DNAH12: variants seen among roughly 807,000 people sequenced by gnomAD.
DNAH12 encodes axonemal beta dynein heavy chain 12.
In DNAH12, 285 loss-of-function variants were observed where a neutral mutation model predicts 371.5. The ratio of observed to expected loss-of-function variants is 0.77; its 90% CI spans 0.70 to 0.85. DNAH12 has a LOEUF of 0.85. Ranked by LOEUF, DNAH12 falls within the 40% of genes least tolerant of loss-of-function variation. The pLI is 0.00. For synonymous variants in DNAH12, 1,200 were observed against 1,213.0 expected, an observed-to-expected ratio of 0.99 and a Z score of 0.22; for missense variants, 3,611 against 3,689.4, an observed-to-expected ratio of 0.98 and a Z score of 0.55.
intron 37 of DNAH12, among the ~76,000 whole-genome samples, chr3:57,418,365 C>CAAAAAAAAAA (rs57508616): frequency 2.3e-5 from 1 of 42,854 alleles, no homozygotes; most frequent in African/African-American, 8.6e-5. Context: ...CCTGTCTCTA[C>CAAAAAAAAAA]AAAAAAAAAA....
At chr3:57,406,770 A>T (rs1386277994) in intron 40 of DNAH12, among the ~76,000 whole-genome samples, 4 of 152,158 alleles carry the variant, frequency 2.6e-5, no homozygotes, top group African/African-American at 9.7e-5. Flanking sequence ...TCTTCTTTAT[A>T]TCTAAATTGG....
intron 44 of DNAH12, among the ~76,000 whole-genome samples, chr3:57,392,790 T>C (rs892107028): frequency 6.6e-6 from 1 of 151,798 alleles, no homozygotes; most frequent in Non-Finnish European, 1.5e-5. Flanking sequence ...AGTAGCAAAG[T>C]GATGGGAAGA....
intron 63 of DNAH12, 84 bp downstream of exon 63, chr3:57,323,385 C>T: frequency 2.7e-6 from 4 of 1,472,322 alleles, no homozygotes; most frequent in Non-Finnish European, 3.6e-6. Flanking sequence ...GATTTACTAA[C>T]TGATTTATAA....
At chr3:57,547,098 CAGAT>C (rs1204168236), upstream of DNAH12, among the ~76,000 whole-genome samples, 1 of 152,102 alleles carries the variant, frequency 6.6e-6, no homozygotes, top group Non-Finnish European at 1.5e-5. Context: ...CCCTTCCTGA[CAGAT>C]AGTCTGCCCT....
Position 57,510,770 on chromosome 3 carries a change from G to T in DNAH12, c.469+20C>A. On this transcript the variant is annotated intron_variant, in intron 5 of 73. Coordinates refer to ENST00000495027, the MANE Select transcript of DNAH12 (RefSeq NM_001366028.2). ...GAGGCCAAGGTGAAAGAAGCCTGGT[G>T]TGTGTTAGATGCTACTTACCCAAAT... The T allele has an allele frequency of 1.2e-6, 2 of 1,607,340 alleles. No individual in the cohort carries two copies. The highest frequency in any genetic ancestry group is 1.1e-5 in the South Asian group (1 of 89,614).
In DNAH12 at chr3:57,340,070, CA is replaced by C. The variant is rs113037670; in HGVS notation, c.9675-5131del. ...TGGGGGACAAAGTGACACCCTGTTT[CA>C]AAAAAAAAAAAAATTCCTTGAAGCA... On this transcript the variant is annotated intron_variant, in intron 60 of 73. Coordinates refer to ENST00000495027, the MANE Select transcript of DNAH12 (RefSeq NM_001366028.2). 4.3e-3 allele frequency among the ~76,000 whole-genome samples: 557 copies of C among 128,470 alleles called. 7 individuals carry two copies. Among genetic ancestry groups the C allele is most frequent in the Admixed American group, 0.021 (263 of 12,368 alleles). 84.3% of individuals were successfully genotyped at this position (128,470 alleles called of 152,430 possible).
chr3:57,294,860 A>G (rs753357576), intron 73 of DNAH12, among the ~76,000 whole-genome samples: 7 of 152,222 alleles, frequency 4.6e-5, no homozygotes, highest in Non-Finnish European at 1.0e-4. Flanking sequence ...TTATAACTGA[A>G]CCACATTCGT....
At chr3:57,355,403 C>A (rs2062774609) in intron 59 of DNAH12, among the ~76,000 whole-genome samples, 1 of 151,940 alleles carries the variant, frequency 6.6e-6, no homozygotes, top group Non-Finnish European at 1.5e-5. Context: ...AACAAATGAA[C>A]CTAACTGTAT....
chr3:57,531,767 CAAAAAA>C (rs35142998), intron 2 of DNAH12, among the ~76,000 whole-genome samples: 9 of 50,268 alleles, frequency 1.8e-4, no homozygotes, highest in African/African-American at 5.0e-4. Context: ...CACTCCATCT[CAAAAAA>C]AAAAAAAAAA....
chr3:57,499,803 A>G (rs2067469224), intron 11 of DNAH12, among the ~76,000 whole-genome samples: 1 of 147,830 alleles, frequency 6.8e-6, no homozygotes, highest in Non-Finnish European at 1.5e-5. Context: ...ATGCCACTGC[A>G]CTCCAGCCTG....
intron 4 of DNAH12, chr3:57,520,013 T>C: frequency 2.6e-6 from 2 of 772,930 alleles, no homozygotes; most frequent in Non-Finnish European, 4.4e-6. Context: ...TCGGCCATGG[T>C]AGCGCCGCGG....
At position 57,457,870 on chromosome 3, in the gene DNAH12, T is replaced by C; in HGVS notation, c.3187A>G (p.Lys1063Glu). The C allele has an allele frequency of 6.4e-7, 1 of 1,551,628 alleles. No individual in the cohort carries two copies. Among genetic ancestry groups the C allele is most frequent in the Non-Finnish European group, 8.7e-7 (1 of 1,146,978 alleles). Residue 1063 changes from lysine (K) to glutamate (E), a missense_variant, in exon 22 of 74, where the codon AAA becomes GAA. This residue lies in a region of DNAH12 where 1,314 missense variants were observed against 1,398.7 expected (regional missense o/e 0.94). Coordinates refer to ENST00000495027, the MANE Select transcript of DNAH12 (RefSeq NM_001366028.2). ...KLEFLPNLDI[K>E]AMYSSEGERV... The stretch of plus-strand genomic sequence containing the variant: ...TCGCCCTCAGAGCTATACATGGCTT[T>C]AATGTCCAAATTGGGAAGGAACTCT...
At chr3:57,338,389 G>T (rs534475709) in intron 60 of DNAH12, among the ~76,000 whole-genome samples, 5 of 152,026 alleles carry the variant, frequency 3.3e-5, no homozygotes, top group African/African-American at 1.2e-4. Flanking sequence ...GAGCGCCTCT[G>T]CCCGGCCGCC....
Position 57,508,469 on chromosome 3 carries a change from T to C in DNAH12, c.614A>G (p.His205Arg), listed in dbSNP as rs1238131826. Residue 205 changes from histidine (H) to arginine (R), a missense_variant, in exon 7 of 74, where the codon CAC (histidine) becomes CGC (arginine). Physicochemically the swap from His to Arg is conservative, Grantham distance 29 (BLOSUM62 0). Around this residue, in one of 3 missense-constraint regions of DNAH12, gnomAD observed 1,314 missense variants for 1,398.7 expected, o/e 0.94. Coordinates refer to ENST00000495027, the MANE Select transcript of DNAH12 (RefSeq NM_001366028.2). ...QARNQIFSNL[H>R]IIHPTMKMLL... Reference sequence around the variant, plus strand: ...CATTTTCATAGTTGGATGAATAATGTGCAAATTAGAGAATATTTGATTTCT... The same window carrying C: ...CATTTTCATAGTTGGATGAATAATGCGCAAATTAGAGAATATTTGATTTCT... The C allele has an allele frequency of 1.2e-6, 2 of 1,613,532 alleles. No homozygotes were observed. The highest frequency in any genetic ancestry group is 1.7e-6 in the Non-Finnish European group (2 of 1,179,876).
At chr3:57,455,501 C>T (rs1231801077) in intron 22 of DNAH12, among the ~76,000 whole-genome samples, 1 of 151,914 alleles carries the variant, frequency 6.6e-6, no homozygotes, top group African/African-American at 2.4e-5. Context: ...ACCTGGGAGG[C>T]AGAGGTTGCA....
intron 60 of DNAH12, among the ~76,000 whole-genome samples, chr3:57,349,942 G>A (rs782540928): frequency 2.2e-4 from 33 of 152,232 alleles, no homozygotes; most frequent in South Asian, 6.2e-4. Flanking sequence ...CACTTGCCTC[G>A]GCCTCCCAAA....
At chr3:57,495,370 C>A (rs1485110439) in intron 11 of DNAH12, among the ~76,000 whole-genome samples, 1 of 147,748 alleles carries the variant, frequency 6.8e-6, no homozygotes, top group East Asian at 1.9e-4. Flanking sequence ...ACCAGCATGG[C>A]CAACAGGTTG....
At chr3:57,446,844 C>A (rs1479131778) in intron 25 of DNAH12, among the ~76,000 whole-genome samples, 155 bp from the exon 26 acceptor site, 1 of 152,272 alleles carries the variant, frequency 6.6e-6, no homozygotes, top group East Asian at 1.9e-4. Context: ...TTTCTAGCTG[C>A]ATGAAGAGAA....
intron 55 of DNAH12, among the ~76,000 whole-genome samples, chr3:57,369,926 TTC>T (rs1229868005): frequency 1.1e-4 from 17 of 152,332 alleles, no homozygotes; most frequent in Non-Finnish European, 1.8e-4. Context: ...GAAATCTGAC[TTC>T]TATTTAATAT....
Sources: allele counts gnomAD v4.1 joint callset (sites outside exome capture counted in the v4.1 genomes callset), GRCh38; gene constraint gnomAD v4.1.1; regional missense constraint gnomAD v4.1.1; transcripts MANE v1.5; gene names NCBI Gene and HGNC (gene_info 2026-07-23, HGNC 2026-07-21).